Variants in NALCN observed in about 807,000 individuals in gnomAD.
The protein encoded by NALCN is sodium leak channel, non-selective.
In NALCN, 111 loss-of-function variants were observed where a neutral mutation model predicts 225.3. That is an observed-to-expected ratio of 0.49 (90% CI 0.42 to 0.58). The LOEUF (loss-of-function observed/expected upper bound fraction) is 0.58, where lower values mean the gene tolerates loss of function less well. Ranked by LOEUF, NALCN falls within the 20% of genes least tolerant of loss-of-function variation. The pLI, the probability that NALCN is intolerant of heterozygous loss-of-function variation, is 0.00. For synonymous variants in NALCN, 764 were observed against 769.0 expected (o/e 0.99, Z 0.11); for missense variants, 1,378 against 2,202.4 (o/e 0.63, Z 7.49).
rs1040700648 is a variant in NALCN at position 101,107,411 on chromosome 13, T to C, written c.2579+76A>G. The C allele has an allele frequency of 8.7e-6, 14 of 1,603,016 alleles. No homozygotes were observed. In the African/African-American group the frequency reaches 1.7e-4, roughly 20 times the overall value. On this transcript the variant is annotated intron_variant, in intron 22 of 43. Coordinates refer to ENST00000251127, the MANE Select transcript of NALCN (RefSeq NM_052867.4). The stretch of plus-strand genomic sequence containing the variant: ...TGACCCCATTAGGATTACACGTTCC[T>C]TCTTCTTCATATGACAACACCCCTG...
intron 7 of NALCN, among the ~76,000 whole-genome samples, chr13:101,307,739 T>C (rs1009806873): frequency 6.6e-6 from 1 of 152,202 alleles, no homozygotes; most frequent in Non-Finnish European, 1.5e-5. Flanking sequence ...AGTTCTTCTG[T>C]GCTTTTGCTT....
chr13:101,400,879 T>A (rs61973733), intron 1 of NALCN, among the ~76,000 whole-genome samples: 1 of 151,798 alleles, frequency 6.6e-6, no homozygotes, highest in Admixed American at 6.6e-5. Context: ...TGATAGGGAG[T>A]GAGTTCTCAC....
At chr13:101,311,461 A>AT (rs2044343870) in intron 7 of NALCN, among the ~76,000 whole-genome samples, 3 of 143,214 alleles carry the variant, frequency 2.1e-5, no homozygotes, top group Admixed American at 2.1e-4. Context: ...GAATGCTTCC[A>AT]TTTTTGCCCA....
intron 14 of NALCN, among the ~76,000 whole-genome samples, chr13:101,176,805 T>C (rs1357287845): frequency 1.3e-5 from 2 of 152,212 alleles, no homozygotes; most frequent in Non-Finnish European, 1.5e-5. Flanking sequence ...TAGAGATTTA[T>C]GTGATAAGAT....
At position 101,256,832 on chromosome 13, in the gene NALCN, T is replaced by C. The variant is rs577013860; in HGVS notation, c.1266+1611A>G. ...TGGCTGGAATTCAGTGGTGCGCTCT[T>C]GGCTCACTGCAACCTCCGCCTCCCA... On this transcript the variant is annotated intron_variant, in intron 11 of 43. Coordinates refer to ENST00000251127, the MANE Select transcript of NALCN (RefSeq NM_052867.4). Among the ~76,000 whole-genome samples, 74 of 151,598 alleles carry C rather than the reference T, an allele frequency of 4.9e-4. 2 individuals carry two copies. Among genetic ancestry groups the C allele is most frequent in the African/African-American group, 1.7e-3 (71 of 41,336 alleles).
At chr13:101,123,998 G>A (rs1397811743) in intron 18 of NALCN, among the ~76,000 whole-genome samples, 5 of 152,124 alleles carry the variant, frequency 3.3e-5, no homozygotes, top group African/African-American at 1.2e-4. Flanking sequence ...TGTAATATAT[G>A]TACCAATAAA....
rs193193282 is a variant in NALCN at position 101,080,435 on chromosome 13, T to C, written c.3885+1092A>G. On this transcript the variant is annotated intron_variant, in intron 34 of 43. Coordinates refer to ENST00000251127, the MANE Select transcript of NALCN (RefSeq NM_052867.4). The stretch of plus-strand genomic sequence containing the variant: ...CTTACACATGAAAATAATAATACTT[T>C]GGATATAGTTTAGAAAATATAATTA... Among the ~76,000 whole-genome samples the C allele has an allele frequency of 1.4e-3, 207 of 151,038 alleles. 1 individual carries two copies. Among genetic ancestry groups the C allele is most frequent in the Admixed American group, 5.4e-3 (82 of 15,120 alleles).
chr13:101,103,414 G>A (rs1189136718), intron 25 of NALCN, 75 bp from the exon 26 acceptor site: 3 of 1,492,756 alleles, frequency 2.0e-6, no homozygotes, highest in African/African-American at 2.8e-5. Context: ...CAGCCGACTG[G>A]CCACAACTTT....
chr13:101,300,957 C>T, intron 7 of NALCN, among the ~76,000 whole-genome samples: 1 of 152,098 alleles, frequency 6.6e-6, no homozygotes, highest in Non-Finnish European at 1.5e-5. Flanking sequence ...CACAACTTGC[C>T]ATATTGGTAA....
chr13:101,151,606 T>A (rs966667050), intron 15 of NALCN, among the ~76,000 whole-genome samples: 5 of 152,234 alleles, frequency 3.3e-5, no homozygotes, highest in African/African-American at 1.2e-4. Context: ...GTTATGTGAA[T>A]AAATTAAGGC....
At chr13:101,314,556 A>G (rs921522828) in intron 7 of NALCN, among the ~76,000 whole-genome samples, 1 of 152,302 alleles carries the variant, frequency 6.6e-6, no homozygotes. Flanking sequence ...GTAAAATACA[A>G]TCATATTTGG....
intron 31 of NALCN, 24 bp from the exon 32 acceptor site, chr13:101,083,222 G>A (rs942800802): frequency 6.3e-7 from 1 of 1,583,068 alleles, no homozygotes. Flanking sequence ...GTTTGGGCAA[G>A]GGCATTTTAG....
intron 7 of NALCN, among the ~76,000 whole-genome samples, chr13:101,320,213 T>C (rs1298567166): frequency 1.3e-5 from 2 of 152,224 alleles, no homozygotes; most frequent in African/African-American, 4.8e-5. Flanking sequence ...GCGACAACTT[T>C]TCAGGTATAA....
rs1426905349 is a variant in NALCN at position 101,375,359 on chromosome 13, C to A, written c.644+1341G>T. On this transcript the variant is annotated intron_variant, in intron 6 of 43. Transcript: ENST00000251127. Reference sequence around the variant, plus strand: ...TGAGGAGTAACCTAAATAATTTATGCAAACTCATAAAATAAAGTGTTGGAA... The same window carrying A: ...TGAGGAGTAACCTAAATAATTTATGAAAACTCATAAAATAAAGTGTTGGAA... 5.3e-5 allele frequency among the ~76,000 whole-genome samples: 8 copies of A among 152,192 alleles called. No individual in the cohort carries two copies. In the East Asian group the frequency reaches 1.5e-3, roughly 29 times the overall value.
chr13:101,388,818 A>C (rs2047062861), intron 3 of NALCN, among the ~76,000 whole-genome samples: 1 of 152,258 alleles, frequency 6.6e-6, no homozygotes, highest in African/African-American at 2.4e-5. Flanking sequence ...AGAAGTCAAC[A>C]CATGGCAATT....
At chr13:101,403,875 T>A (rs1405541608) in intron 1 of NALCN, among the ~76,000 whole-genome samples, 1 of 152,226 alleles carries the variant, frequency 6.6e-6, no homozygotes, top group Non-Finnish European at 1.5e-5. Context: ...AAAGAAAATG[T>A]TCAATAACAT....
intron 11 of NALCN, 54 bp downstream of exon 11, chr13:101,258,389 T>C: frequency 6.2e-7 from 1 of 1,608,978 alleles, no homozygotes; most frequent in Non-Finnish European, 8.5e-7. Context: ...AGAGGCACTG[T>C]CCGCGGTTCA....
chr13:101,102,619 C>T (rs748243270), intron 26 of NALCN, among the ~76,000 whole-genome samples: 13 of 152,318 alleles, frequency 8.5e-5, no homozygotes, highest in East Asian at 1.9e-4. Flanking sequence ...CTAGAAAGTA[C>T]GTTTTGCCCC....
chr13:101,081,826 G>GGA (rs1480979331), intron 33 of NALCN, among the ~76,000 whole-genome samples, 180 bp from the exon 34 acceptor site: 2 of 151,966 alleles, frequency 1.3e-5, no homozygotes, highest in Non-Finnish European at 1.5e-5. Context: ...TGCCCTTTGA[G>GGA]GTTTCCTTTT....
Sources: gnomAD v4.1 joint callset for allele counts (sites outside exome capture counted in the v4.1 genomes callset) on GRCh38, gnomAD v4.1.1 for gene constraint, MANE v1.5 for transcripts, NCBI Gene and HGNC (gene_info 2026-07-23, HGNC 2026-07-21) for gene names.